The following CEP63 variants were observed in gnomAD, a reference collection of about 807,000 sequenced individuals.
CEP63 encodes centrosomal protein of 63 kDa.
Under a neutral mutation model 89.1 loss-of-function variants are expected in CEP63, and 84 were observed. That is an observed-to-expected ratio of 0.94 (90% CI 0.79 to 1.13). The LOEUF (loss-of-function observed/expected upper bound fraction) is 1.13. Ranked by LOEUF, CEP63 falls within the 50% of genes most tolerant of loss-of-function variation. The pLI is 0.00. For synonymous variants in CEP63, 267 were observed against 272.5 expected (o/e 0.98, Z 0.20); for missense variants, 838 against 813.3 (o/e 1.03, Z -0.37).
At chr3:134,491,455 C>T (rs1937549980) in intron 1 of CEP63, among the ~76,000 whole-genome samples, 1 of 152,174 alleles carries the variant, frequency 6.6e-6, no homozygotes, top group Non-Finnish European at 1.5e-5. Flanking sequence ...GGGTAATTAA[C>T]CGTTTGTGGT....
chr3:134,644,104 C>T, the CEP63 span, among the ~76,000 whole-genome samples: 289 of 152,318 alleles, frequency 1.9e-3, no homozygotes, highest in African/African-American at 6.7e-3. Flanking sequence ...GGATTATAGG[C>T]GTGAGCCACC....
chr3:134,562,201 C>T lies in CEP63; in HGVS notation c.*666C>T, dbSNP rs557091256. The T allele has an allele frequency of 1.0e-5, 10 of 986,240 alleles. No homozygotes were observed. In the South Asian group the frequency reaches 1.4e-4, roughly 14 times the overall value. The allele number at this position is 986,240 out of a possible 1,614,324, so 61.1% of individuals were successfully genotyped here. A position where few individuals can be genotyped will look rare whatever the true frequency, so the allele number is the denominator to read the frequency against. ...ATATCCATTGGAAATAAATGTTCAT[C>T]GTCTGCACTGCTGAGGACAAGTTTA... On this transcript the variant is annotated 3_prime_UTR_variant, in exon 15 of 15. Coordinates refer to ENST00000675561, the MANE Select transcript of CEP63 (RefSeq NM_001353108.3).
At chr3:134,541,171 G>A (rs1352838230) in intron 6 of CEP63, among the ~76,000 whole-genome samples, 1 of 152,146 alleles carries the variant, frequency 6.6e-6, no homozygotes, top group Non-Finnish European at 1.5e-5. Flanking sequence ...AGTTGCGTAT[G>A]TGTACTCAAT....
At chr3:134,606,320 G>A in the CEP63 span, among the ~76,000 whole-genome samples, 1 of 152,138 alleles carries the variant, frequency 6.6e-6, no homozygotes, top group African/African-American at 2.4e-5. Flanking sequence ...GAGCCCTCAA[G>A]CTGGAGACCC....
intron 10 of CEP63, among the ~76,000 whole-genome samples, chr3:134,585,996 T>G (rs887743619): frequency 6.6e-5 from 10 of 151,682 alleles, no homozygotes; most frequent in Non-Finnish European, 1.3e-4. Flanking sequence ...AAAGTCTGTC[T>G]TATCAGAGAC....
At chr3:134,556,582 G>GAA (rs1210336034) in intron 12 of CEP63, among the ~76,000 whole-genome samples, 1 of 152,102 alleles carries the variant, frequency 6.6e-6, no homozygotes, top group Non-Finnish European at 1.5e-5. Flanking sequence ...AAAGGCTTAG[G>GAA]ATTCAGCAGT....
chr3:134,641,565 G>T, the CEP63 span, among the ~76,000 whole-genome samples: 3 of 152,138 alleles, frequency 2.0e-5, no homozygotes, highest in African/African-American at 7.2e-5. Context: ...AAAAAACGCT[G>T]GCCCGGCTGA....
chr3:134,621,531 T>G, the CEP63 span, among the ~76,000 whole-genome samples: 1 of 152,194 alleles, frequency 6.6e-6, no homozygotes, highest in Non-Finnish European at 1.5e-5. Flanking sequence ...AGAATAAACT[T>G]GGATCTCTAC....
At chr3:134,651,750 A>C in the CEP63 span, 3 of 388,806 alleles carry the variant, frequency 7.7e-6, no homozygotes, top group Non-Finnish European at 1.1e-5. Flanking sequence ...CCCTGTGGGG[A>C]AGGAGGGAGG....
the CEP63 span, among the ~76,000 whole-genome samples, chr3:134,622,521 A>G: frequency 1.4e-4 from 21 of 152,356 alleles, no homozygotes; most frequent in Middle Eastern, 6.8e-3. Flanking sequence ...AGGAAAGTTC[A>G]TAGACAGTAA....
At chr3:134,549,411 A>G (rs949637643) in intron 10 of CEP63, among the ~76,000 whole-genome samples, 1 of 152,190 alleles carries the variant, frequency 6.6e-6, no homozygotes, top group Non-Finnish European at 1.5e-5. Context: ...TCCCCTTTGA[A>G]CTCAAAAACT....
At chr3:134,602,533 T>C in the CEP63 span, among the ~76,000 whole-genome samples, 2 of 152,146 alleles carry the variant, frequency 1.3e-5, no homozygotes, top group Non-Finnish European at 2.9e-5. Context: ...GTAGAGACAC[T>C]GGGGGCAGGC....
chr3:134,660,785 A>G, the CEP63 span, among the ~76,000 whole-genome samples: 2 of 152,164 alleles, frequency 1.3e-5, no homozygotes, highest in African/African-American at 4.8e-5. Context: ...CAGATTTCCA[A>G]TCTTTGGTGT....
chr3:134,740,157 T>C, the CEP63 span, among the ~76,000 whole-genome samples: 4 of 152,136 alleles, frequency 2.6e-5, no homozygotes, highest in Non-Finnish European at 4.4e-5. Context: ...GTGCTCAGGG[T>C]ACACAGTCCA....
At chr3:134,623,859 C>T in the CEP63 span, among the ~76,000 whole-genome samples, 4 of 152,186 alleles carry the variant, frequency 2.6e-5, no homozygotes, top group Non-Finnish European at 4.4e-5. Context: ...TCTGACCCTT[C>T]CTGGCCTTGC....
At chr3:134,608,491 C>G in the CEP63 span, 6 of 1,546,650 alleles carry the variant, frequency 3.9e-6, no homozygotes, top group African/African-American at 1.4e-5. Context: ...TCAGCAGCCT[C>G]CACTCATCCA....
chr3:134,631,876 T>G, the CEP63 span, among the ~76,000 whole-genome samples: 1 of 152,138 alleles, frequency 6.6e-6, no homozygotes, highest in Non-Finnish European at 1.5e-5. Flanking sequence ...ACACACTAAT[T>G]GAAAAATAGA....
chr3:134,541,511 T>G (rs988694868), intron 6 of CEP63, among the ~76,000 whole-genome samples: 1 of 135,908 alleles, frequency 7.4e-6, no homozygotes, highest in Non-Finnish European at 1.6e-5. Flanking sequence ...ACTAGCCAAC[T>G]TTTTTTTTTT....
At chr3:134,569,075 G>A (rs977782102), downstream of CEP63, among the ~76,000 whole-genome samples, 4 of 152,168 alleles carry the variant, frequency 2.6e-5, no homozygotes, top group African/African-American at 9.7e-5. Context: ...CGAGAACAGC[G>A]TGAGAAAGAC....
Sources: allele counts gnomAD v4.1 joint callset (sites outside exome capture counted in the v4.1 genomes callset), GRCh38; gene constraint gnomAD v4.1.1; transcripts MANE v1.5; gene names NCBI Gene and HGNC (gene_info 2026-07-23, HGNC 2026-07-21).